The following TTC39B variants were observed in gnomAD, a reference collection of about 807,000 sequenced individuals.
The protein encoded by TTC39B is tetratricopeptide repeat protein 39B.
Under a neutral mutation model 96.6 loss-of-function variants are expected in TTC39B, and 92 were observed. That is an observed-to-expected ratio of 0.95 (90% CI 0.80 to 1.13). TTC39B has a LOEUF of 1.13. Among genes scored for constraint, TTC39B ranks in the 50% most tolerant of loss-of-function variants. The pLI is 0.00. For missense variants in TTC39B, 955 were observed against 809.3 expected (o/e 1.18, Z -2.18); for synonymous variants, 367 against 299.4 (o/e 1.23, Z -2.33).
intron 2 of TTC39B, among the ~76,000 whole-genome samples, chr9:15,244,190 A>AT (rs1372023246): frequency 1.3e-5 from 2 of 152,252 alleles, no homozygotes; most frequent in Non-Finnish European, 2.9e-5. Context: ...TTCTTTGCTG[A>AT]TTTTTTAAAT....
intron 17 of TTC39B, among the ~76,000 whole-genome samples, chr9:15,182,022 A>T (rs1253966135): frequency 6.6e-6 from 1 of 152,190 alleles, no homozygotes; most frequent in African/African-American, 2.4e-5. Context: ...CTGTCTTTAT[A>T]GATTTCCCTA....
chr9:15,233,327 GCCCTCT>G (rs768879040), intron 2 of TTC39B, among the ~76,000 whole-genome samples: 217 of 152,008 alleles, frequency 1.4e-3, no homozygotes, highest in East Asian at 7.6e-3. Flanking sequence ...AGAAAACCTC[GCCCTCT>G]CCCTCTCCCT....
At chr9:15,234,263 G>A (rs1366587035) in intron 2 of TTC39B, among the ~76,000 whole-genome samples, 1 of 150,572 alleles carries the variant, frequency 6.6e-6, no homozygotes, top group Admixed American at 6.6e-5. Context: ...GAGGGAGGTG[G>A]GGGTCAGCCC....
intron 8 of TTC39B, among the ~76,000 whole-genome samples, chr9:15,197,935 G>A (rs1444015762): frequency 6.6e-6 from 1 of 152,096 alleles, no homozygotes; most frequent in African/African-American, 2.4e-5. Context: ...TATATTTTAA[G>A]ATAAATGAAA....
chr9:15,228,953 T>C (rs999174878), intron 2 of TTC39B, among the ~76,000 whole-genome samples: 1 of 152,240 alleles, frequency 6.6e-6, no homozygotes, highest in Non-Finnish European at 1.5e-5. Context: ...TGTATACACA[T>C]GTACACGAAT....
At chr9:15,196,474 G>A (rs1819176926) in intron 8 of TTC39B, among the ~76,000 whole-genome samples, 2 of 152,140 alleles carry the variant, frequency 1.3e-5, no homozygotes, top group African/African-American at 4.8e-5. Flanking sequence ...CAACCCTCAT[G>A]GATCATTCTG....
chr9:15,262,098 T>TTTA (rs1239201027), intron 2 of TTC39B, among the ~76,000 whole-genome samples: 3 of 152,032 alleles, frequency 2.0e-5, no homozygotes, highest in Non-Finnish European at 4.4e-5. Flanking sequence ...TTTTATTTAT[T>TTTA]TTATTATTAT....
At chr9:15,247,747 C>A (rs1023166661) in intron 2 of TTC39B, among the ~76,000 whole-genome samples, 4 of 151,776 alleles carry the variant, frequency 2.6e-5, no homozygotes, top group Admixed American at 2.0e-4. Flanking sequence ...GTTAGGAAGA[C>A]CTCTGGGCAT....
intron 2 of TTC39B, among the ~76,000 whole-genome samples, chr9:15,258,280 C>A (rs1822827708): frequency 6.6e-6 from 1 of 152,070 alleles, no homozygotes; most frequent in African/African-American, 2.4e-5. Context: ...AGGTAGAAAT[C>A]ATCAGACTTG....
At chr9:15,257,345 AATAAG>A (rs754378309) in intron 2 of TTC39B, among the ~76,000 whole-genome samples, 1 of 152,204 alleles carries the variant, frequency 6.6e-6, no homozygotes, top group Non-Finnish European at 1.5e-5. Flanking sequence ...ATATGGATGA[AATAAG>A]ATTGGCCTTG....
chr9:15,197,105 C>T (rs1421482722), intron 8 of TTC39B, among the ~76,000 whole-genome samples: 1 of 152,180 alleles, frequency 6.6e-6, no homozygotes, highest in African/African-American at 2.4e-5. Flanking sequence ...GAATACAGTA[C>T]AGTATCAACG....
At chr9:15,167,026 A>ATTT (rs1817541466) in exon 20 of TTC39B, 1 of 11,584 alleles carries the variant, frequency 8.6e-5, no homozygotes, top group Non-Finnish European at 1.4e-4. Context: ...ATATATATAT[A>ATTT]TATTTTTTTT....
chr9:15,297,117 C>T (rs1049260153), intron 1 of TTC39B, among the ~76,000 whole-genome samples: 1 of 152,314 alleles, frequency 6.6e-6, no homozygotes, highest in Admixed American at 6.5e-5. Context: ...TTAAAGGGGG[C>T]ATATACTGTG....
At chr9:15,266,026 A>C (rs1823117323) in intron 2 of TTC39B, among the ~76,000 whole-genome samples, 1 of 152,242 alleles carries the variant, frequency 6.6e-6, no homozygotes, top group African/African-American at 2.4e-5. Context: ...AAAGGACACT[A>C]GGTACAAACT....
At chr9:15,217,147 A>G (rs1254318990) in intron 3 of TTC39B, among the ~76,000 whole-genome samples, 2 of 152,250 alleles carry the variant, frequency 1.3e-5, no homozygotes, top group African/African-American at 4.8e-5. Flanking sequence ...GCCAGAAACC[A>G]TAGTGGCAGA....
At chr9:15,260,277 G>GTT (rs142111810) in intron 2 of TTC39B, among the ~76,000 whole-genome samples, 4 of 139,730 alleles carry the variant, frequency 2.9e-5, no homozygotes, top group Non-Finnish European at 6.3e-5. Flanking sequence ...TCCTCATTGT[G>GTT]TTTTTTTTTT....
At chr9:15,257,012 C>T (rs1194781059) in intron 2 of TTC39B, among the ~76,000 whole-genome samples, 1 of 152,084 alleles carries the variant, frequency 6.6e-6, no homozygotes, top group African/African-American at 2.4e-5. Context: ...CACAAACATA[C>T]TGTTAAAAAA....
chr9:15,212,539 C>T (rs1055013024), intron 4 of TTC39B, among the ~76,000 whole-genome samples: 1 of 152,192 alleles, frequency 6.6e-6, no homozygotes, highest in Non-Finnish European at 1.5e-5. Flanking sequence ...GATTCTCCTG[C>T]CTCGGCTTCC....
intron 7 of TTC39B, among the ~76,000 whole-genome samples, chr9:15,201,224 A>C (rs973107961): frequency 1.3e-5 from 2 of 152,112 alleles, no homozygotes; most frequent in Non-Finnish European, 2.9e-5. Context: ...AATACCAACC[A>C]GAAAAGAATT....
Sources: allele counts gnomAD v4.1 joint callset (sites outside exome capture counted in the v4.1 genomes callset), GRCh38; gene constraint gnomAD v4.1.1; transcripts MANE v1.5; gene names NCBI Gene and HGNC (gene_info 2026-07-23, HGNC 2026-07-21).